NTRK3: variants seen among roughly 807,000 people sequenced by gnomAD.
NTRK3 encodes the protein neurotrophic receptor tyrosine kinase 3, also known as NT-3 growth factor receptor.
NTRK3 carries 24 observed loss-of-function variants against 91.7 expected under a neutral mutation model. The observed-to-expected ratio is 0.26, with a 90% confidence interval of 0.19 to 0.37. The LOEUF is 0.37. NTRK3 is among the 10% of genes least tolerant of loss of function. The pLI is 1.00. For missense variants in NTRK3, 880 were observed against 1,068.9 expected (o/e 0.82, Z 2.46); for synonymous variants, 483 against 404.0 (o/e 1.20, Z -2.34).
At chr15:88,205,560 A>T (rs1372691138) in intron 3 of NTRK3, among the ~76,000 whole-genome samples, 1 of 152,176 alleles carries the variant, frequency 6.6e-6, no homozygotes, top group Non-Finnish European at 1.5e-5. Context: ...GGATACAGGA[A>T]GCCAGCCAGC....
At chr15:87,888,361 G>A (rs967402253) in intron 17 of NTRK3, among the ~76,000 whole-genome samples, 3 of 152,142 alleles carry the variant, frequency 2.0e-5, no homozygotes, top group African/African-American at 4.8e-5. Context: ...GACCAGATGG[G>A]TTCTGAATGA....
intron 14 of NTRK3, among the ~76,000 whole-genome samples, chr15:87,963,465 G>A (rs1318575423): frequency 2.0e-5 from 3 of 152,200 alleles, no homozygotes; most frequent in African/African-American, 7.2e-5. Context: ...GTCCCCCACT[G>A]AACGATGGTT....
At chr15:88,100,496 T>C (rs2050060468) in intron 13 of NTRK3, among the ~76,000 whole-genome samples, 1 of 152,098 alleles carries the variant, frequency 6.6e-6, no homozygotes, top group Admixed American at 6.5e-5. Context: ...CCATCTTCTG[T>C]GAATTCAAGC....
chr15:88,096,184 G>A (rs950523463), intron 13 of NTRK3, among the ~76,000 whole-genome samples: 1 of 152,070 alleles, frequency 6.6e-6, no homozygotes, highest in Non-Finnish European at 1.5e-5. Context: ...TAACTGTCCT[G>A]CCAGTTTATT....
rs1334932299 is a variant in NTRK3, at chr15:88,233,719, C to T, written c.248+22187G>A. ...CTCCTCTCCTCCCTCTCCTCCTGGT[C>T]CTCCTTACTCTCCCTTCCTTCCCTG... On this transcript the variant is annotated intron_variant, in intron 3 of 18. Coordinates refer to ENST00000394480, the Ensembl canonical transcript of NTRK3. The surrounding 1 kb of genome is among the most constrained non-coding windows in gnomAD (Gnocchi z 4.2). Among the ~76,000 whole-genome samples, 1 of 152,058 alleles carries T rather than the reference C, an allele frequency of 6.6e-6. No individual in the cohort carries two copies.
chr15:87,918,401 T>C (rs1156971485), intron 17 of NTRK3, among the ~76,000 whole-genome samples: 1 of 152,222 alleles, frequency 6.6e-6, no homozygotes, highest in Admixed American at 6.5e-5. Context: ...GCATCTTCCA[T>C]AGATCCTTAG....
intron 17 of NTRK3, among the ~76,000 whole-genome samples, chr15:87,904,085 C>G (rs945760631): frequency 2.6e-5 from 4 of 151,986 alleles, no homozygotes; most frequent in Non-Finnish European, 4.4e-5. Flanking sequence ...GGGAGATATC[C>G]CAGCATGCTA....
chr15:88,026,670 T>C (rs957537583), intron 14 of NTRK3, among the ~76,000 whole-genome samples: 2 of 152,162 alleles, frequency 1.3e-5, no homozygotes, highest in Admixed American at 1.3e-4. Context: ...GGTTCACCAA[T>C]TGCAACTAAT....
intron 17 of NTRK3, among the ~76,000 whole-genome samples, chr15:87,907,286 T>A (rs1322083313): frequency 6.6e-6 from 1 of 152,172 alleles, no homozygotes; most frequent in East Asian, 1.9e-4. Context: ...AAAATTCTCA[T>A]AAGGCTGCCA....
At chr15:87,863,192 G>A (rs910532911) in exon 19 of NTRK3, 1 of 228,344 alleles carries the variant, frequency 4.4e-6, no homozygotes, top group African/African-American at 2.2e-5. Context: ...AGGAGGTCAA[G>A]AATGTGACAG....
chr15:88,086,355 G>A (rs1028744877), intron 13 of NTRK3, among the ~76,000 whole-genome samples: 4 of 152,112 alleles, frequency 2.6e-5, no homozygotes, highest in Non-Finnish European at 4.4e-5. Flanking sequence ...GAGATGTGCT[G>A]TAATTATAAA....
intron 14 of NTRK3, among the ~76,000 whole-genome samples, chr15:87,943,945 A>G (rs1274189780): frequency 6.6e-6 from 1 of 152,098 alleles, no homozygotes; most frequent in African/African-American, 2.4e-5. Context: ...CCGTGGGCCA[A>G]AGTGTCTTCC....
chr15:87,976,114 T>C (rs1324588473), intron 14 of NTRK3, among the ~76,000 whole-genome samples: 3 of 152,136 alleles, frequency 2.0e-5, no homozygotes, highest in Non-Finnish European at 2.9e-5. Context: ...CTCTCCTATA[T>C]TAAAAATGAA....
intron 5 of NTRK3, among the ~76,000 whole-genome samples, chr15:88,167,327 C>A (rs2045059608): frequency 6.6e-6 from 1 of 152,160 alleles, no homozygotes; most frequent in South Asian, 2.1e-4. Context: ...AGCATCACGA[C>A]TCTGAGGTCC....
chr15:87,982,167 TTTG>T (rs1434865769), intron 14 of NTRK3, among the ~76,000 whole-genome samples: 1 of 152,144 alleles, frequency 6.6e-6, no homozygotes, highest in Non-Finnish European at 1.5e-5. Flanking sequence ...GGATCTGAAG[TTTG>T]TTTTCTCTGG....
chr15:87,968,889 T>C (rs2141256498), intron 14 of NTRK3, among the ~76,000 whole-genome samples: 1 of 152,310 alleles, frequency 6.6e-6, no homozygotes, highest in Non-Finnish European at 1.5e-5. Flanking sequence ...GAAGCATTCA[T>C]TTTATCACTG....
chr15:88,238,654 T>C (rs1279084812), intron 3 of NTRK3, among the ~76,000 whole-genome samples: 1 of 152,254 alleles, frequency 6.6e-6, no homozygotes, highest in African/African-American at 2.4e-5. Flanking sequence ...TATGTCACTC[T>C]GCAACTTATT....
chr15:87,926,722 C>T (rs1056304838), intron 17 of NTRK3: 2 of 152,134 alleles, frequency 1.3e-5, no homozygotes, highest in African/African-American at 2.4e-5. Flanking sequence ...TAAATATTAA[C>T]AGCACATCTA....
chr15:88,002,047 G>C (rs896342924), intron 14 of NTRK3, among the ~76,000 whole-genome samples: 2 of 151,782 alleles, frequency 1.3e-5, no homozygotes, highest in African/African-American at 4.8e-5. Flanking sequence ...TCTATGCATT[G>C]ATATAATAAA....
Sources: allele counts gnomAD v4.1 joint callset (sites outside exome capture counted in the v4.1 genomes callset), GRCh38; gene constraint gnomAD v4.1.1; non-coding constraint Gnocchi (gnomAD v3.1); transcripts MANE v1.5; gene names NCBI Gene and HGNC (gene_info 2026-07-23, HGNC 2026-07-21).